Variants in PLXDC2 observed in about 807,000 individuals in gnomAD.
PLXDC2 encodes plexin domain containing 2.
In PLXDC2, 40 loss-of-function variants were observed where a neutral mutation model predicts 68.9. The ratio of observed to expected loss-of-function variants is 0.58; its 90% CI spans 0.45 to 0.76. The LOEUF (loss-of-function observed/expected upper bound fraction) is 0.76. PLXDC2 is among the 30% of genes least tolerant of loss of function. The probability of loss-of-function intolerance (pLI) is 0.00; values close to 1 mark genes in which losing one functional copy is unlikely to be tolerated. For synonymous variants in PLXDC2, 243 were observed against 234.2 expected, an observed-to-expected ratio of 1.04 and a Z score of -0.34; for missense variants, 644 against 661.9, an observed-to-expected ratio of 0.97 and a Z score of 0.30.
chr10:20,173,657 G>A (rs991173152), intron 7 of PLXDC2, among the ~76,000 whole-genome samples: 1 of 152,196 alleles, frequency 6.6e-6, no homozygotes, highest in Non-Finnish European at 1.5e-5. Flanking sequence ...GCACTAATGG[G>A]TGAGTATTGA....
chr10:19,871,128 A>G (rs1837527154), intron 1 of PLXDC2, among the ~76,000 whole-genome samples: 1 of 152,204 alleles, frequency 6.6e-6, no homozygotes, highest in Non-Finnish European at 1.5e-5. Context: ...GGAACATTAT[A>G]GTATTTAGTG....
intron 1 of PLXDC2, among the ~76,000 whole-genome samples, chr10:19,992,943 C>G (rs78551822): frequency 0.016 from 2,433 of 152,262 alleles, 70 homozygotes; most frequent in African/African-American, 0.055. Context: ...AACTGATCCT[C>G]TGAACGATTA....
At chr10:19,979,851 T>G (rs575167212) in intron 1 of PLXDC2, among the ~76,000 whole-genome samples, 31 of 152,322 alleles carry the variant, frequency 2.0e-4, no homozygotes, top group African/African-American at 7.2e-4. Flanking sequence ...CCCCTCGGCA[T>G]TTCCACAGTG....
At chr10:19,886,329 G>A (rs1306264814) in intron 1 of PLXDC2, among the ~76,000 whole-genome samples, 1 of 152,034 alleles carries the variant, frequency 6.6e-6, no homozygotes, top group South Asian at 2.1e-4. Context: ...CTCTTTTCCT[G>A]ATTGAATACC....
At chr10:19,989,726 T>C (rs1834714203) in intron 1 of PLXDC2, among the ~76,000 whole-genome samples, 1 of 149,590 alleles carries the variant, frequency 6.7e-6, no homozygotes, top group South Asian at 2.1e-4. Flanking sequence ...TTTTATAGAG[T>C]CCTTCAATTT....
At chr10:20,191,748 T>C (rs552994186) in intron 9 of PLXDC2, among the ~76,000 whole-genome samples, 1 of 152,126 alleles carries the variant, frequency 6.6e-6, no homozygotes, top group Non-Finnish European at 1.5e-5. Flanking sequence ...ATGGCACATG[T>C]ATACATATGT....
chr10:20,060,529 G>A (rs551461130), intron 3 of PLXDC2, among the ~76,000 whole-genome samples: 1 of 150,894 alleles, frequency 6.6e-6, no homozygotes, highest in African/African-American at 2.4e-5. Flanking sequence ...GGCTGGGCTG[G>A]TCGCTGGGCG....
At chr10:19,927,713 C>CAAAAAAAAAAAAAAAAAAAA (rs35250324) in intron 1 of PLXDC2, among the ~76,000 whole-genome samples, 28 of 53,146 alleles carry the variant, frequency 5.3e-4, no homozygotes, top group African/African-American at 7.9e-4. Context: ...GGAAAAAAAG[C>CAAAAAAAAAAAAAAAAAAAA]AAAAAAAAAA....
intron 2 of PLXDC2, among the ~76,000 whole-genome samples, chr10:20,009,735 A>C (rs2131643268): frequency 6.7e-6 from 1 of 149,342 alleles, no homozygotes. Flanking sequence ...TGTCAAGGTC[A>C]TACTAGATAG....
intron 2 of PLXDC2, among the ~76,000 whole-genome samples, chr10:20,020,346 C>G (rs751551174): frequency 1.3e-5 from 2 of 151,872 alleles, no homozygotes; most frequent in Non-Finnish European, 2.9e-5. Context: ...CATGGATAGC[C>G]GACAATACCA....
intron 1 of PLXDC2, among the ~76,000 whole-genome samples, chr10:19,964,856 G>A (rs1054022329): frequency 6.6e-6 from 1 of 151,952 alleles, no homozygotes; most frequent in East Asian, 1.9e-4. Context: ...TCCAGCTCCA[G>A]ATCTCCCTCT....
chr10:20,115,324 A>T (rs1186949461), intron 4 of PLXDC2, among the ~76,000 whole-genome samples: 1 of 152,170 alleles, frequency 6.6e-6, no homozygotes. Context: ...GTCTGGGCTG[A>T]GTGTGGGGCA....
chr10:19,987,203 G>A (rs1834656094), intron 1 of PLXDC2, among the ~76,000 whole-genome samples: 1 of 152,184 alleles, frequency 6.6e-6, no homozygotes, highest in Non-Finnish European at 1.5e-5. Context: ...AGCAGTTGAT[G>A]CCTTCATAGA....
In PLXDC2 at chr10:20,098,357, A is replaced by ATGTGTGTGTGTGTGTG. The variant is rs35209594; in HGVS notation, c.541+30130_541+30145dup. ...CCGTCATTTTCGTGCGTGTGTGTGT[A>ATGTGTGTGTGTGTGTG]TGTGTGTGTGTGTGTGTGTGTGTGT... On this transcript the variant is annotated intron_variant, in intron 4 of 13. Transcript: ENST00000377252. 8.5e-3 allele frequency among the ~76,000 whole-genome samples: 1,232 copies of ATGTGTGTGTGTGTGTG among 145,470 alleles called. 22 individuals carry two copies. Among genetic ancestry groups the ATGTGTGTGTGTGTGTG allele is most frequent in the South Asian group, 0.057 (248 of 4,368 alleles).
In PLXDC2 at chr10:19,915,886, A is replaced by AAG. The variant is rs769214921; in HGVS notation, c.113-85888_113-85887insGA. 8.1e-3 allele frequency among the ~76,000 whole-genome samples: 1,167 copies of AAG among 144,198 alleles called. 11 individuals carry two copies. Among genetic ancestry groups the AAG allele is most frequent in the Non-Finnish European group, 0.012 (747 of 63,772 alleles). The allele number at this position is 144,198 out of a possible 152,430, so 94.6% of individuals were successfully genotyped here. A position where few individuals can be genotyped will look rare whatever the true frequency, so the allele number is the denominator to read the frequency against. On this transcript the variant is annotated intron_variant, in intron 1 of 13. Coordinates refer to ENST00000377252, the MANE Select transcript of PLXDC2 (RefSeq NM_032812.9). ...AAAAGAAGAAGAAGAAGAAGAAGAA[A>AAG]AAAAACAGCTGCTGTAGCCTCTGCA...
intron 1 of PLXDC2, among the ~76,000 whole-genome samples, chr10:19,890,999 C>G (rs749180134): frequency 1.3e-5 from 2 of 152,044 alleles, no homozygotes; most frequent in Admixed American, 1.3e-4. Context: ...TTCTGACTTT[C>G]CCATGTAGGG....
intron 12 of PLXDC2, among the ~76,000 whole-genome samples, chr10:20,233,826 T>C (rs1367553921): frequency 6.6e-6 from 1 of 151,774 alleles, no homozygotes; most frequent in African/African-American, 2.4e-5. Context: ...TTTTTATTTA[T>C]TTTTTTTAGA....
At chr10:19,960,543 G>T (rs1589557271) in intron 1 of PLXDC2, among the ~76,000 whole-genome samples, 1 of 151,990 alleles carries the variant, frequency 6.6e-6, no homozygotes, top group Non-Finnish European at 1.5e-5. Flanking sequence ...TTCCTATTCT[G>T]TCCTCTACCC....
At position 19,955,408 on chromosome 10, in the gene PLXDC2, C is replaced by T. The variant is rs1011596799; in HGVS notation, c.113-46367C>T. ...TCCCCCAACCCATTTCCGGGAAATG[C>T]ACCCTCGTCTTGATTCCCCTTTTCA... On this transcript the variant is annotated intron_variant, in intron 1 of 13. Transcript: ENST00000377252. Among the ~76,000 whole-genome samples, 17 of 152,070 alleles carry T rather than the reference C, an allele frequency of 1.1e-4. No individual in the cohort carries two copies. In the East Asian group the frequency reaches 3.1e-3, roughly 28 times the overall value.
Sources: gnomAD v4.1 joint callset for allele counts (sites outside exome capture counted in the v4.1 genomes callset) on GRCh38, gnomAD v4.1.1 for gene constraint, MANE v1.5 for transcripts, NCBI Gene and HGNC (gene_info 2026-07-23, HGNC 2026-07-21) for gene names.